Variants in RALGPS1 observed in about 807,000 individuals in gnomAD.
The protein encoded by RALGPS1 is Ral GEF with PH domain and SH3 binding motif 1.
In RALGPS1, 19 loss-of-function variants were observed where a neutral mutation model predicts 78.8. That is an observed-to-expected ratio of 0.24 (90% CI 0.17 to 0.35). The LOEUF (loss-of-function observed/expected upper bound fraction) is 0.35. Among genes scored for constraint, RALGPS1 ranks in the 10% least tolerant of loss-of-function variants. The pLI is 1.00. For synonymous variants in RALGPS1, 228 were observed against 256.3 expected, an observed-to-expected ratio of 0.89 and a Z score of 1.06; for missense variants, 454 against 688.3, an observed-to-expected ratio of 0.66 and a Z score of 3.81.
intron 1 of RALGPS1, among the ~76,000 whole-genome samples, chr9:126,931,079 C>T (rs1485464217): frequency 6.6e-6 from 1 of 152,216 alleles, no homozygotes; most frequent in African/African-American, 2.4e-5. Flanking sequence ...GACCCAGGTT[C>T]CTTCTAAGTC....
intron 8 of RALGPS1, chr9:127,108,128 C>T: frequency 6.2e-7 from 1 of 1,613,948 alleles, no homozygotes; most frequent in Non-Finnish European, 8.5e-7. Flanking sequence ...TGGCAGTGCT[C>T]CTCAAGCTGC....
intron 8 of RALGPS1, among the ~76,000 whole-genome samples, chr9:127,130,367 T>C (rs559380650): frequency 6.6e-6 from 1 of 152,308 alleles, no homozygotes; most frequent in South Asian, 2.1e-4. Flanking sequence ...TGGAGCCTTG[T>C]TATCTTGGGT....
intron 1 of RALGPS1, among the ~76,000 whole-genome samples, chr9:126,956,289 CCCTGATACAGA>C (rs1302937648): frequency 1.3e-5 from 2 of 152,092 alleles, no homozygotes; most frequent in African/African-American, 4.8e-5. Context: ...GCAGTCTGCT[CCCTGATACAGA>C]ACTGGGGGCT....
At chr9:127,019,658 A>G (rs1400869761) in intron 4 of RALGPS1, among the ~76,000 whole-genome samples, 1 of 152,162 alleles carries the variant, frequency 6.6e-6, no homozygotes, top group African/African-American at 2.4e-5. Flanking sequence ...CTTACTAATA[A>G]TATTCCATTG....
At chr9:127,193,768 G>A (rs1056588088) in intron 11 of RALGPS1, among the ~76,000 whole-genome samples, 6 of 152,146 alleles carry the variant, frequency 3.9e-5, no homozygotes, top group Admixed American at 1.3e-4. Context: ...TCCAGCCATG[G>A]CCAGGCAGCC....
intron 8 of RALGPS1, among the ~76,000 whole-genome samples, chr9:127,097,530 G>A (rs2053270912): frequency 1.3e-5 from 2 of 152,182 alleles, no homozygotes; most frequent in South Asian, 4.1e-4. Flanking sequence ...ACACATTAAA[G>A]GCACCAGTGG....
chr9:127,122,041 C>T lies in RALGPS1; in HGVS notation c.611-44028C>T, dbSNP rs962362389. 1.3e-5 allele frequency among the ~76,000 whole-genome samples: 2 copies of T among 152,226 alleles called. No homozygotes were observed. Among genetic ancestry groups the T allele is most frequent in the Admixed American group, 1.3e-4 (2 of 15,288 alleles). ...GTGCCGGGAGCTGCCGGCCGGCACC[C>T]CAAAGGCTCTTTGTCCAAAAGAGGA... On this transcript the variant is annotated intron_variant, in intron 8 of 18. Transcript: ENST00000259351. The surrounding 1 kb of genome is among the most constrained non-coding windows in gnomAD (Gnocchi z 6.4).
chr9:126,917,450 C>T (rs1240327506), intron 1 of RALGPS1, among the ~76,000 whole-genome samples: 1 of 152,204 alleles, frequency 6.6e-6, no homozygotes, highest in Non-Finnish European at 1.5e-5. Context: ...TGGCCCACCT[C>T]TTGAAATGGA....
At chr9:127,185,428 C>T (rs1169855542) in intron 11 of RALGPS1, among the ~76,000 whole-genome samples, 3 of 152,188 alleles carry the variant, frequency 2.0e-5, no homozygotes, top group East Asian at 1.9e-4. Context: ...TCACGTGCAC[C>T]GTGCTCAGGG....
chr9:127,123,394 G>A (rs1040832356), intron 8 of RALGPS1, among the ~76,000 whole-genome samples: 8 of 152,214 alleles, frequency 5.3e-5, no homozygotes, highest in African/African-American at 1.4e-4. Context: ...CGGTAAATGA[G>A]CTAATTAATA....
intron 8 of RALGPS1, among the ~76,000 whole-genome samples, chr9:127,086,115 C>T (rs772244917): frequency 2.6e-5 from 4 of 152,114 alleles, no homozygotes; most frequent in Non-Finnish European, 4.4e-5. Flanking sequence ...AATGCACACG[C>T]GCACACGGAC....
intron 8 of RALGPS1, among the ~76,000 whole-genome samples, chr9:127,156,883 C>A (rs2058732718): frequency 6.6e-6 from 1 of 152,006 alleles, no homozygotes; most frequent in Non-Finnish European, 1.5e-5. Flanking sequence ...CCTAATTTAT[C>A]TGTAATTTAT....
intron 8 of RALGPS1, among the ~76,000 whole-genome samples, chr9:127,096,318 G>C (rs1292073285): frequency 6.6e-6 from 1 of 152,210 alleles, no homozygotes; most frequent in Non-Finnish European, 1.5e-5. Context: ...GGGCGTGGGA[G>C]GCCTCCCAGC....
intron 1 of RALGPS1, among the ~76,000 whole-genome samples, chr9:126,947,329 A>G (rs1038228514): frequency 1.3e-5 from 2 of 152,170 alleles, no homozygotes; most frequent in Non-Finnish European, 2.9e-5. Context: ...TGAGCATCCC[A>G]ACTCTGAAAA....
chr9:126,982,550 G>A (rs1009989409), intron 4 of RALGPS1, among the ~76,000 whole-genome samples: 3 of 152,200 alleles, frequency 2.0e-5, no homozygotes, highest in African/African-American at 7.2e-5. Context: ...CAGGCATTGT[G>A]TTGAGCGGTT....
intron 11 of RALGPS1, among the ~76,000 whole-genome samples, chr9:127,175,060 G>A (rs1376729367): frequency 6.6e-6 from 1 of 152,228 alleles, no homozygotes; most frequent in Non-Finnish European, 1.5e-5. Flanking sequence ...CCCAAGTTGG[G>A]AGCACACACA....
intron 2 of RALGPS1, among the ~76,000 whole-genome samples, chr9:126,964,073 C>G (rs2039197058): frequency 6.6e-6 from 1 of 152,056 alleles, no homozygotes; most frequent in African/African-American, 2.4e-5. Context: ...ATAGCCATGC[C>G]TGGGCTGGGT....
chr9:127,051,411 G>C (rs1305514615), intron 6 of RALGPS1, among the ~76,000 whole-genome samples: 1 of 152,046 alleles, frequency 6.6e-6, no homozygotes, highest in Non-Finnish European at 1.5e-5. Flanking sequence ...CCTTTCTCTG[G>C]GCCTTGGTTT....
intron 2 of RALGPS1, among the ~76,000 whole-genome samples, chr9:126,962,707 A>G (rs933522638): frequency 2.0e-5 from 3 of 152,236 alleles, no homozygotes; most frequent in Admixed American, 6.5e-5. Context: ...AGTCATTCCA[A>G]CTGGCCCTGG....
Sources: allele counts gnomAD v4.1 joint callset (sites outside exome capture counted in the v4.1 genomes callset), GRCh38; gene constraint gnomAD v4.1.1; non-coding constraint Gnocchi (gnomAD v3.1); transcripts MANE v1.5; gene names NCBI Gene and HGNC (gene_info 2026-07-23, HGNC 2026-07-21).